HOTAIR: variants seen among roughly 807,000 people sequenced by gnomAD.
The protein encoded by HOTAIR is HOX transcript antisense RNA (non-protein coding).
chr12:53,973,906 C>G lies in HOTAIR; in HGVS notation n.59+992G>C. The G allele has an allele frequency of 6.9e-7, 1 of 1,444,356 alleles. No homozygotes were observed. Among genetic ancestry groups the G allele is most frequent in the Non-Finnish European group, 9.1e-7 (1 of 1,096,984 alleles). 89.5% of individuals were successfully genotyped at this position (1,444,356 alleles called of 1,614,324 possible). ...GCCCACTCCGTGGCCAAGGAGCCGGCCAAAGGAGCCGCCCCCAGTAGGTAG... is the reference window on the plus strand; with the variant it reads ...GCCCACTCCGTGGCCAAGGAGCCGGGCAAAGGAGCCGCCCCCAGTAGGTAG... On this transcript the variant is annotated intron_variant and non_coding_transcript_variant, in intron 1 of 6. Coordinates refer to ENST00000424518, the Ensembl canonical transcript of HOTAIR. This position sits in a 1 kb window ranked among gnomAD's most constrained non-coding sequence, Gnocchi z 4.3.
rs749585496 is a variant in HOTAIR, at chr12:53,973,661, A to G, written n.59+1237T>C. On this transcript the variant is annotated intron_variant and non_coding_transcript_variant, in intron 1 of 6. Coordinates refer to ENST00000424518, the Ensembl canonical transcript of HOTAIR. The surrounding 1 kb of genome is among the most constrained non-coding windows in gnomAD (Gnocchi z 4.3). Reference sequence around the variant, plus strand: ...CAACCCCCGCCGGCTTCTACTCCTCAGTCAACAAGAACAGCGTCCTGCCTC... The same window carrying G: ...CAACCCCCGCCGGCTTCTACTCCTCGGTCAACAAGAACAGCGTCCTGCCTC... 1 of 1,613,264 alleles carries G rather than the reference A, an allele frequency of 6.2e-7. No individual in the cohort carries two copies. Among genetic ancestry groups the G allele is most frequent in the East Asian group, 2.2e-5 (1 of 44,854 alleles).
chr12:53,966,229 CT>C (rs1939050685), intron 4 of HOTAIR: 1 of 152,178 alleles, frequency 6.6e-6, no homozygotes, highest in Non-Finnish European at 1.5e-5. Flanking sequence ...CTTCCTCCCC[CT>C]CCCTTCCCCC....
Position 53,973,645 on chromosome 12 carries a change from C to A in HOTAIR, n.59+1253G>T. The A allele has an allele frequency of 6.2e-7, 1 of 1,613,790 alleles. No homozygotes were observed. The highest frequency in any genetic ancestry group is 8.5e-7 in the Non-Finnish European group (1 of 1,180,032). ...CCCAGCGCCCCGCACGCAACCCCCG[C>A]CGGCTTCTACTCCTCAGTCAACAAG... is the stretch of plus-strand genomic sequence containing the variant. On this transcript the variant is annotated intron_variant and non_coding_transcript_variant, in intron 1 of 6. Coordinates refer to ENST00000424518, the Ensembl canonical transcript of HOTAIR. The surrounding 1 kb of genome is among the most constrained non-coding windows in gnomAD (Gnocchi z 4.3).
At position 53,973,277 on chromosome 12, in the gene HOTAIR, T is replaced by G. The variant is rs4759315; in HGVS notation, n.59+1621A>C. 1 allele frequency: 1,612,694 copies of G among 1,612,844 alleles called. 806,272 individuals carry two copies. Among genetic ancestry groups the G allele is most frequent in the Middle Eastern group, 1 (6,056 of 6,056 alleles). On this transcript the variant is annotated intron_variant and non_coding_transcript_variant, in intron 1 of 6. Coordinates refer to ENST00000424518, the Ensembl canonical transcript of HOTAIR. This position sits in a 1 kb window ranked among gnomAD's most constrained non-coding sequence, Gnocchi z 4.3. ...CGGTCAACCTGGGCAACTTCTGCTCTCCGTCGCGCAAGGAGAGGGGCGCAG... is the reference window on the plus strand; with the variant it reads ...CGGTCAACCTGGGCAACTTCTGCTCGCCGTCGCGCAAGGAGAGGGGCGCAG...
At chr12:53,971,292 T>C (rs1163044784) in intron 1 of HOTAIR, among the ~76,000 whole-genome samples, 2 of 152,274 alleles carry the variant, frequency 1.3e-5, no homozygotes, top group Admixed American at 1.3e-4. Context: ...CGCCCAGCAT[T>C]GAGTGCGTAG....
At chr12:53,964,717 G>T (rs535447240) in intron 5 of HOTAIR, among the ~76,000 whole-genome samples, 2 of 152,312 alleles carry the variant, frequency 1.3e-5, no homozygotes, top group East Asian at 3.9e-4. Context: ...GGGGCCAGGG[G>T]TGTATGGGAT....
chr12:53,962,850 A>G (rs1437330587), exon 7 of HOTAIR: 3 of 152,242 alleles, frequency 2.0e-5, no homozygotes, highest in Non-Finnish European at 2.9e-5. Context: ...TTTAGAGTGC[A>G]AAGTCCCGTT....
intron 1 of HOTAIR, among the ~76,000 whole-genome samples, chr12:53,970,610 T>C (rs1176666314): frequency 6.6e-6 from 1 of 152,208 alleles, no homozygotes; most frequent in Non-Finnish European, 1.5e-5. Flanking sequence ...AATATTACTT[T>C]CCAGAAGTCT....
intron 1 of HOTAIR, among the ~76,000 whole-genome samples, chr12:53,971,310 C>T (rs1340761315): frequency 6.6e-6 from 1 of 152,146 alleles, no homozygotes; most frequent in East Asian, 1.9e-4. Context: ...TAGAGGGGCA[C>T]CTGAGACCTA....
intron 1 of HOTAIR, chr12:53,974,820 A>T (rs555636251): frequency 5.2e-6 from 1 of 193,658 alleles, no homozygotes; most frequent in African/African-American, 2.4e-5. Context: ...GGCTTTCCGA[A>T]CCACTAGGAG....
chr12:53,974,440 C>T (rs767820872), intron 1 of HOTAIR, among the ~76,000 whole-genome samples: 1 of 152,034 alleles, frequency 6.6e-6, no homozygotes, highest in Non-Finnish European at 1.5e-5. Flanking sequence ...GCCAGGACCG[C>T]TATGATCCTT....
At chr12:53,963,342 C>G (rs12312094) in exon 7 of HOTAIR, 55,367 of 152,206 alleles carry the variant, frequency 0.36, 10,367 homozygotes, top group African/African-American at 0.45. Context: ...AAAACACACT[C>G]CCAACCCCTT....
At chr12:53,963,693 A>G (rs542209426) in exon 7 of HOTAIR, 2 of 152,348 alleles carry the variant, frequency 1.3e-5, no homozygotes, top group South Asian at 2.1e-4. Flanking sequence ...GATGGAGATG[A>G]TAAGAAGAGC....
chr12:53,973,185 C>G lies in HOTAIR; in HGVS notation n.59+1713G>C. 2.1e-6 allele frequency: 3 copies of G among 1,413,362 alleles called. No homozygotes were observed. In the Admixed American group the frequency reaches 6.8e-5, roughly 32 times the overall value. 87.6% of individuals were successfully genotyped at this position (1,413,362 alleles called of 1,614,324 possible). A position where few individuals can be genotyped will look rare whatever the true frequency, so the allele number is the denominator to read the frequency against. On this transcript the variant is annotated intron_variant and non_coding_transcript_variant, in intron 1 of 6. Transcript: ENST00000424518. The surrounding 1 kb of genome is among the most constrained non-coding windows in gnomAD (Gnocchi z 4.3). Reference sequence around the variant, plus strand: ...CGTCATCTCGCCTTCCCAAATTTTCCCCCCTCGCTAGACCGGGTCCAAAAC... The same window carrying G: ...CGTCATCTCGCCTTCCCAAATTTTCGCCCCTCGCTAGACCGGGTCCAAAAC...
At position 53,973,465 on chromosome 12, in the gene HOTAIR, A is replaced by G. The variant is rs1939185486; in HGVS notation, n.59+1433T>C. ...GTGCCCCCGGTCCGGGAGGTCTCCTACGGCCTGGAGCCATCCGGCAAGTGG... is the reference window on the plus strand; with the variant it reads ...GTGCCCCCGGTCCGGGAGGTCTCCTGCGGCCTGGAGCCATCCGGCAAGTGG... On this transcript the variant is annotated intron_variant and non_coding_transcript_variant, in intron 1 of 6. Transcript: ENST00000424518. This position sits in a 1 kb window ranked among gnomAD's most constrained non-coding sequence, Gnocchi z 4.3. The G allele has an allele frequency of 6.2e-7, 1 of 1,613,698 alleles. No individual in the cohort carries two copies. The highest frequency in any genetic ancestry group is 8.5e-7 in the Non-Finnish European group (1 of 1,179,922).
chr12:53,965,004 T>G (rs1939025165), intron 5 of HOTAIR, among the ~76,000 whole-genome samples: 1 of 152,240 alleles, frequency 6.6e-6, no homozygotes, highest in South Asian at 2.1e-4. Flanking sequence ...AATATTATTT[T>G]ATAGCCAAAC....
chr12:53,970,270 A>G (rs1592194629), intron 1 of HOTAIR, among the ~76,000 whole-genome samples: 3 of 152,306 alleles, frequency 2.0e-5, no homozygotes, highest in Admixed American at 6.5e-5. Context: ...AGCGGGCTTG[A>G]CAAGGAAGGG....
intron 5 of HOTAIR, among the ~76,000 whole-genome samples, chr12:53,964,767 C>T (rs1939020617): frequency 6.6e-6 from 1 of 152,166 alleles, no homozygotes; most frequent in Admixed American, 6.5e-5. Context: ...CAACATCACC[C>T]TAAGCCCTAC....
At chr12:53,962,822 C>A (rs1324215384) in exon 7 of HOTAIR, 2 of 152,138 alleles carry the variant, frequency 1.3e-5, no homozygotes, top group Non-Finnish European at 1.5e-5. Flanking sequence ...CAACTTTTGT[C>A]CCAAGCTGGG....
Sources: allele counts gnomAD v4.1 joint callset (sites outside exome capture counted in the v4.1 genomes callset), GRCh38; gene constraint gnomAD v4.1.1; non-coding constraint Gnocchi (gnomAD v3.1); transcripts MANE v1.5; gene names NCBI Gene and HGNC (gene_info 2026-07-23, HGNC 2026-07-21).